The following CHD7 variants were observed in gnomAD, a reference collection of about 807,000 sequenced individuals.
CHD7 encodes the protein chromodomain helicase DNA binding protein 7, also known as ATP-dependent chromatin remodeler CHD7.
CHD7 carries 24 observed loss-of-function variants against 307.3 expected under a neutral mutation model. The observed-to-expected ratio is 0.08, with a 90% CI of 0.06 to 0.11. The LOEUF (loss-of-function observed/expected upper bound fraction) is 0.11, where lower values mean the gene tolerates loss of function less well. Among genes scored for constraint, CHD7 ranks in the 10% least tolerant of loss-of-function variants. CHD7 has a pLI of 1.00. For missense variants in CHD7, 3,106 were observed against 3,727.1 expected, an observed-to-expected ratio of 0.83 and a Z score of 4.34; for synonymous variants, 1,363 against 1,349.9, an observed-to-expected ratio of 1.01 and a Z score of -0.21.
chr8:60,859,398 C>T (rs1221425082), intron 34 of CHD7, among the ~76,000 whole-genome samples: 1 of 152,210 alleles, frequency 6.6e-6, no homozygotes, highest in African/African-American at 2.4e-5. Flanking sequence ...TGGCACTATT[C>T]CCTGTGCCAG....
chr8:60,839,259 C>T (rs1804867771), intron 19 of CHD7, among the ~76,000 whole-genome samples: 1 of 152,220 alleles, frequency 6.6e-6, no homozygotes, highest in Non-Finnish European at 1.5e-5. Flanking sequence ...CATGTTGTAG[C>T]ATGGATCAGT....
intron 2 of CHD7, among the ~76,000 whole-genome samples, chr8:60,751,221 C>CA (rs1206292153): frequency 9.8e-5 from 15 of 152,288 alleles, no homozygotes; most frequent in African/African-American, 2.6e-4. Context: ...GTCTCTAATA[C>CA]AATTGCTTGT....
rs1804259100 is a variant in CHD7 at position 60,826,492 on chromosome 8, A to T, written c.3379-2171A>T. Among the ~76,000 whole-genome samples the T allele has an allele frequency of 2.0e-5, 3 of 152,370 alleles. No homozygotes were observed. In the South Asian group the frequency reaches 6.2e-4, roughly 32 times the overall value. On this transcript the variant is annotated intron_variant, in intron 13 of 37. Coordinates refer to ENST00000423902, the MANE Select transcript of CHD7 (RefSeq NM_017780.4). ...TTTATTCTTTCCTAGAATAAGTCACAGTCAAAATAGTGGTTAGTAACTATA... is the reference window on the plus strand; with the variant it reads ...TTTATTCTTTCCTAGAATAAGTCACTGTCAAAATAGTGGTTAGTAACTATA...
chr8:60,790,833 C>A (rs766520295), intron 3 of CHD7, among the ~76,000 whole-genome samples: 1 of 152,018 alleles, frequency 6.6e-6, no homozygotes, highest in Non-Finnish European at 1.5e-5. Flanking sequence ...TTTATATATC[C>A]CTTGTATGGG....
At chr8:60,784,013 T>C (rs1285955013) in intron 3 of CHD7, among the ~76,000 whole-genome samples, 1 of 152,216 alleles carries the variant, frequency 6.6e-6, no homozygotes, top group Non-Finnish European at 1.5e-5. Flanking sequence ...ATCTGATAAA[T>C]TGAGTATGTC....
At chr8:60,834,740 A>G (rs901284937) in intron 15 of CHD7, among the ~76,000 whole-genome samples, 3 of 152,180 alleles carry the variant, frequency 2.0e-5, no homozygotes, top group Non-Finnish European at 4.4e-5. Flanking sequence ...TCAGTAAATT[A>G]TTTGTTGATT....
Position 60,856,887 on chromosome 8 carries a change from C to T in CHD7, c.7607C>T (p.Ala2536Val). 1 of 1,540,486 alleles carries T rather than the reference C, an allele frequency of 6.5e-7. No individual in the cohort carries two copies. The highest frequency in any genetic ancestry group is 8.7e-7 in the Non-Finnish European group (1 of 1,146,154). Residue 2536 changes from alanine to valine, a missense_variant and splice_region_variant, in exon 34 of 38, where the codon GCA becomes GTA. Physicochemically the swap from Ala to Val is moderately conservative, Grantham distance 64. Coordinates refer to ENST00000423902, the MANE Select transcript of CHD7 (RefSeq NM_017780.4). ...AGCCACAAACGGACGTCATTGAGTG[C>T]AGTAAGTTGGGGAGCTTGCCTGCAT... ...FMSHKRTSLS[A>V]EDAEVTKAFE...
At chr8:60,686,713 CAT>C (rs150441302) in intron 1 of CHD7, among the ~76,000 whole-genome samples, 81 of 151,530 alleles carry the variant, frequency 5.3e-4, no homozygotes, top group East Asian at 4.7e-3. Context: ...CAATTAGACA[CAT>C]GTGTTAGGTT....
In CHD7 at chr8:60,741,552, A is replaced by G. The variant is rs753525257; in HGVS notation, c.120A>G (p.Gln40=). 3.1e-6 allele frequency: 5 copies of G among 1,613,590 alleles called. No individual in the cohort carries two copies. The East Asian group carries it at 1.1e-4, about 36-fold the overall frequency. The change falls in exon 2 of 38, where the codon CAA becomes CAG. Residue 40 remains glutamine (Q), a synonymous_variant. Coordinates refer to ENST00000423902, the MANE Select transcript of CHD7 (RefSeq NM_017780.4). ...PENPVNPMGQ[Q]MPIDQGFASL... The stretch of plus-strand genomic sequence containing the variant: ...ATCCAGTAAATCCTATGGGTCAGCA[A>G]ATGCCAATAGACCAAGGCTTTGCCT...
intron 1 of CHD7, among the ~76,000 whole-genome samples, chr8:60,726,748 C>G (rs1472319264): frequency 6.6e-6 from 1 of 152,188 alleles, no homozygotes; most frequent in East Asian, 1.9e-4. Flanking sequence ...CTTTTTTTAA[C>G]ACAAGCACCT....
chr8:60,739,243 C>T (rs915012872), intron 1 of CHD7, among the ~76,000 whole-genome samples: 3 of 152,170 alleles, frequency 2.0e-5, no homozygotes, highest in South Asian at 2.1e-4. Flanking sequence ...CATATGTAGA[C>T]GTTACTTTCC....
intron 2 of CHD7, among the ~76,000 whole-genome samples, chr8:60,759,282 A>G (rs540623041): frequency 1.8e-4 from 28 of 152,304 alleles, no homozygotes; most frequent in South Asian, 1.7e-3. Flanking sequence ...CTTGAGCAGG[A>G]ATGAGTCAGA....
At chr8:60,833,076 C>T (rs1365724579) in intron 15 of CHD7, among the ~76,000 whole-genome samples, 1 of 152,154 alleles carries the variant, frequency 6.6e-6, no homozygotes, top group African/African-American at 2.4e-5. Flanking sequence ...GCTCCAGGGC[C>T]CGTACTGTTC....
intron 7 of CHD7, among the ~76,000 whole-genome samples, chr8:60,813,873 A>G (rs1055405690): frequency 6.6e-6 from 1 of 151,672 alleles, no homozygotes; most frequent in Non-Finnish European, 1.5e-5. Flanking sequence ...CTTTGCACTG[A>G]TATGGGTAAG....
At chr8:60,811,599 C>G (rs763475032) in intron 7 of CHD7, among the ~76,000 whole-genome samples, 1 of 152,148 alleles carries the variant, frequency 6.6e-6, no homozygotes, top group Non-Finnish European at 1.5e-5. Context: ...TAAGTGGCTT[C>G]TGATGTTTTC....
At chr8:60,858,176 A>G (rs937415814) in intron 34 of CHD7, among the ~76,000 whole-genome samples, 2 of 152,208 alleles carry the variant, frequency 1.3e-5, no homozygotes, top group African/African-American at 4.8e-5. Flanking sequence ...GAATTGCTTG[A>G]ACCCAGGAGG....
At chr8:60,789,607 A>T (rs1178580227) in intron 3 of CHD7, among the ~76,000 whole-genome samples, 1 of 152,156 alleles carries the variant, frequency 6.6e-6, no homozygotes, top group African/African-American at 2.4e-5. Context: ...CAGGACTTAG[A>T]TCTATTAGGC....
rs1271767085 is a variant in CHD7, at chr8:60,823,876, A to G, written c.3238A>G (p.Ile1080Val). The stretch of plus-strand genomic sequence containing the variant: ...AAAGGGGTCCTATAAGTTTCATGCC[A>G]TCATCACTACATTTGAGATGATTTT... ...VIKGSYKFHA[I>V]ITTFEMILTD... Residue 1080 changes from isoleucine (I) to valine (V), a missense_variant, in exon 13 of 38, where the codon ATC becomes GTC. This residue lies in a region of CHD7 where 232 missense variants were observed against 422.5 expected (regional missense o/e 0.55). Coordinates refer to ENST00000423902, the MANE Select transcript of CHD7 (RefSeq NM_017780.4). 6 of 1,613,798 alleles carry G rather than the reference A, an allele frequency of 3.7e-6. No homozygotes were observed. The African/African-American group carries it at 8.0e-5, about 22-fold the overall frequency.
intron 1 of CHD7, chr8:60,679,680 T>C (rs1286228391): frequency 6.9e-6 from 1 of 145,608 alleles, no homozygotes; most frequent in Non-Finnish European, 1.5e-5. Flanking sequence ...CGCCCCCCGC[T>C]CCGGACCGAC....
Sources: gnomAD v4.1 joint callset for allele counts (sites outside exome capture counted in the v4.1 genomes callset) on GRCh38, gnomAD v4.1.1 for gene constraint, gnomAD v4.1.1 regional missense constraint, MANE v1.5 for transcripts, NCBI Gene and HGNC (gene_info 2026-07-23, HGNC 2026-07-21) for gene names.